RNF8: variants seen among roughly 807,000 people sequenced by gnomAD.
RNF8 encodes the protein ring finger protein 8.
A neutral mutation model predicts 59.3 loss-of-function variants in RNF8; 8 were observed. The ratio of observed to expected loss-of-function variants is 0.13; its 90% confidence interval spans 0.08 to 0.24. The LOEUF (loss-of-function observed/expected upper bound fraction) is 0.24, where lower values mean the gene tolerates loss of function less well. Ranked by LOEUF, RNF8 falls within the 10% of genes least tolerant of loss-of-function variation. The pLI is 1.00. For synonymous variants in RNF8, 162 were observed against 200.0 expected, an observed-to-expected ratio of 0.81 and a Z score of 1.60; for missense variants, 406 against 572.6, an observed-to-expected ratio of 0.71 and a Z score of 2.97.
At position 37,356,470 on chromosome 6, in the gene RNF8, CAG is replaced by C. The variant is rs1345817325; in HGVS notation, c.111+2196_111+2197del. 2.0e-5 allele frequency among the ~76,000 whole-genome samples: 3 copies of C among 152,222 alleles called. No homozygotes were observed. In the East Asian group the frequency reaches 5.8e-4, roughly 29 times the overall value. ...AGATGTTGTGGATAAAATAATAAAA[CAG>C]GGTTCCTTTCATTTCATTGATGGGA... On this transcript the variant is annotated intron_variant, in intron 1 of 7. Coordinates refer to ENST00000373479, the MANE Select transcript of RNF8 (RefSeq NM_003958.4).
At chr6:37,372,516 A>G (rs575311297) in intron 4 of RNF8, among the ~76,000 whole-genome samples, 2 of 152,338 alleles carry the variant, frequency 1.3e-5, no homozygotes, top group South Asian at 4.1e-4. Context: ...AACATTATTA[A>G]GTTAATATTC....
At chr6:37,355,533 A>G (rs1489605983) in intron 1 of RNF8, among the ~76,000 whole-genome samples, 2 of 152,204 alleles carry the variant, frequency 1.3e-5, no homozygotes, top group African/African-American at 2.4e-5. Context: ...GAACATCCAT[A>G]TGGGCTGTAT....
intron 1 of RNF8, among the ~76,000 whole-genome samples, chr6:37,357,691 A>G (rs1769171284): frequency 6.6e-6 from 1 of 152,250 alleles, no homozygotes; most frequent in Admixed American, 6.5e-5. Context: ...GATCACCACA[A>G]CATTTTAAAG....
At chr6:37,366,260 T>A (rs529622511) in intron 2 of RNF8, among the ~76,000 whole-genome samples, 1 of 152,324 alleles carries the variant, frequency 6.6e-6, no homozygotes, top group South Asian at 2.1e-4. Context: ...TCCTTTAAAT[T>A]TCTGTACCTT....
chr6:37,389,062 TTG>T (rs1770626827), intron 7 of RNF8, among the ~76,000 whole-genome samples: 1 of 152,176 alleles, frequency 6.6e-6, no homozygotes, highest in South Asian at 2.1e-4. Flanking sequence ...GAAATAATAT[TTG>T]TTAGTGTACT....
intron 7 of RNF8, among the ~76,000 whole-genome samples, chr6:37,381,626 A>T (rs910833488): frequency 6.6e-6 from 1 of 152,180 alleles, no homozygotes; most frequent in African/African-American, 2.4e-5. Context: ...GATGTGATTT[A>T]AAAAAATACA....
intron 6 of RNF8, among the ~76,000 whole-genome samples, chr6:37,380,010 C>T (rs1423670538): frequency 1.3e-5 from 2 of 152,108 alleles, no homozygotes; most frequent in Non-Finnish European, 2.9e-5. Flanking sequence ...AGCTCCCAGG[C>T]TCTAGTGATC....
At position 37,360,159 on chromosome 6, in the gene RNF8, T is replaced by C. The variant is rs1769258977; in HGVS notation, c.112-287T>C. On this transcript the variant is annotated intron_variant, in intron 1 of 7. Transcript: ENST00000373479. This position sits in a 1 kb window ranked among gnomAD's most constrained non-coding sequence, Gnocchi z 4.2. Reference sequence around the variant, plus strand: ...ATGGGATGTGTAGAAAGAATTCCTCTATCTCATAGTCATTGAACCAGATGA... The same window carrying C: ...ATGGGATGTGTAGAAAGAATTCCTCCATCTCATAGTCATTGAACCAGATGA... 6.6e-6 allele frequency among the ~76,000 whole-genome samples: 1 copy of C among 152,206 alleles called. No homozygotes were observed. The highest frequency in any genetic ancestry group is 2.4e-5 in the African/African-American group (1 of 41,454).
At position 37,390,859 on chromosome 6, in the gene RNF8, A is replaced by G. The variant is rs746746053; in HGVS notation, c.*101A>G. The G allele has an allele frequency of 6.8e-6, 11 of 1,606,176 alleles. No homozygotes were observed. Among genetic ancestry groups the G allele is most frequent in the South Asian group, 1.1e-5 (1 of 90,922 alleles). ...CGTGACTCCGCTGCTCTGAAGGTCA[A>G]CTGAGAAGTCTTGTGGGACAGAGAC... is the stretch of plus-strand genomic sequence containing the variant. On this transcript the variant is annotated 3_prime_UTR_variant, in exon 8 of 8. Transcript: ENST00000373479.
At chr6:37,371,180 T>C (rs1029925981) in intron 3 of RNF8, among the ~76,000 whole-genome samples, 4 of 152,134 alleles carry the variant, frequency 2.6e-5, no homozygotes, top group Non-Finnish European at 5.9e-5. Flanking sequence ...TTTAGGTATT[T>C]GGGGGCTCAG....
intron 3 of RNF8, 60 bp downstream of exon 3, chr6:37,369,278 GTC>G (rs1769701405): frequency 5.4e-6 from 8 of 1,488,360 alleles, no homozygotes; most frequent in South Asian, 2.8e-5. Flanking sequence ...CACTTCATGA[GTC>G]TCTGGCCAGA....
chr6:37,358,740 G>A (rs1769207452), intron 1 of RNF8, among the ~76,000 whole-genome samples: 1 of 152,124 alleles, frequency 6.6e-6, no homozygotes, highest in Admixed American at 6.6e-5. Flanking sequence ...GCTAACTTTG[G>A]TTTAAAGTTC....
In RNF8 at chr6:37,363,986, T is replaced by C. The variant is rs570708477; in HGVS notation, c.240+3412T>C. The stretch of plus-strand genomic sequence containing the variant: ...CGAGGTCAGGAGATCGAGACCATCC[T>C]GGCTAACATGGTGAAACCCCGTCTC... On this transcript the variant is annotated intron_variant, in intron 2 of 7. Coordinates refer to ENST00000373479, the MANE Select transcript of RNF8 (RefSeq NM_003958.4). Among the ~76,000 whole-genome samples, 3 of 152,168 alleles carry C rather than the reference T, an allele frequency of 2.0e-5. No homozygotes were observed. The South Asian group carries it at 6.2e-4, about 32-fold the overall frequency.
intron 5 of RNF8, among the ~76,000 whole-genome samples, chr6:37,376,419 A>G (rs762100274): frequency 2.0e-5 from 3 of 152,200 alleles, no homozygotes; most frequent in Non-Finnish European, 4.4e-5. Context: ...TTTATTTCTC[A>G]CAGTACTGGA....
intron 6 of RNF8, among the ~76,000 whole-genome samples, chr6:37,379,924 G>T (rs1263588634): frequency 6.6e-6 from 1 of 151,888 alleles, no homozygotes; most frequent in African/African-American, 2.4e-5. Flanking sequence ...TTGTTTGTTT[G>T]TTTTTTCCAG....
intron 7 of RNF8, among the ~76,000 whole-genome samples, chr6:37,387,514 G>A (rs892425715): frequency 6.7e-4 from 102 of 152,046 alleles, no homozygotes; most frequent in African/African-American, 2.3e-3. Context: ...CTAATTTTTT[G>A]TATTTTCTGT....
At chr6:37,366,842 G>A (rs919283373) in intron 2 of RNF8, among the ~76,000 whole-genome samples, 1 of 152,166 alleles carries the variant, frequency 6.6e-6, no homozygotes, top group Non-Finnish European at 1.5e-5. Context: ...ATGCTCACCA[G>A]TATATTTCAA....
At chr6:37,381,101 G>A in intron 6 of RNF8, 49 bp from the exon 7 acceptor site, 2 of 1,516,828 alleles carry the variant, frequency 1.3e-6, no homozygotes, top group Non-Finnish European at 1.8e-6. Context: ...AGCATCCTGA[G>A]AAAGTAAGCA....
intron 2 of RNF8, 191 bp from the exon 3 acceptor site, chr6:37,368,293 T>C: frequency 4.4e-6 from 6 of 1,356,186 alleles, no homozygotes; most frequent in Non-Finnish European, 6.0e-6. Context: ...ATGTGAAATA[T>C]AGGTAAAAAG....
Sources: gnomAD v4.1 joint callset for allele counts (sites outside exome capture counted in the v4.1 genomes callset) on GRCh38, gnomAD v4.1.1 for gene constraint, Gnocchi (gnomAD v3.1) non-coding constraint, MANE v1.5 for transcripts, NCBI Gene and HGNC (gene_info 2026-07-23, HGNC 2026-07-21) for gene names.